The following ARHGAP26 variants were observed in gnomAD, a reference collection of about 807,000 sequenced individuals.
ARHGAP26 encodes Rho GTPase activating protein 26, also known as rho GTPase-activating protein 26.
Under a neutral mutation model 104.8 loss-of-function variants are expected in ARHGAP26, and 38 were observed. The observed-to-expected ratio is 0.36, with a 90% CI of 0.28 to 0.48. ARHGAP26 has a LOEUF of 0.48. Among genes scored for constraint, ARHGAP26 ranks in the 20% least tolerant of loss-of-function variants. ARHGAP26 has a pLI of 0.99. For missense variants in ARHGAP26, 704 were observed against 947.9 expected, an observed-to-expected ratio of 0.74 and a Z score of 3.38; for synonymous variants, 341 against 340.0, an observed-to-expected ratio of 1.00 and a Z score of -0.03.
chr5:142,915,000 C>G (rs949588115), intron 10 of ARHGAP26, among the ~76,000 whole-genome samples: 3 of 152,178 alleles, frequency 2.0e-5, no homozygotes, highest in Admixed American at 6.5e-5. Context: ...TGTTGCAGCT[C>G]TCTGTCAGAT....
chr5:143,102,700 G>A (rs1191624054), intron 17 of ARHGAP26, among the ~76,000 whole-genome samples: 1 of 152,210 alleles, frequency 6.6e-6, no homozygotes, highest in Non-Finnish European at 1.5e-5. Context: ...TCTTACCAAA[G>A]CATTCTTCAC....
intron 1 of ARHGAP26, among the ~76,000 whole-genome samples, chr5:142,792,691 C>G (rs1295917578): frequency 1.3e-5 from 2 of 152,152 alleles, no homozygotes; most frequent in East Asian, 3.9e-4. Context: ...AGCACCCCGG[C>G]TGTGCTTTCA....
At chr5:142,872,276 G>A (rs1204657249) in intron 1 of ARHGAP26, among the ~76,000 whole-genome samples, 3 of 152,166 alleles carry the variant, frequency 2.0e-5, no homozygotes, top group African/African-American at 4.8e-5. Context: ...AAAGTACTGG[G>A]AGTCACGGAT....
chr5:142,932,480 A>G (rs527861225), intron 11 of ARHGAP26, among the ~76,000 whole-genome samples: 42 of 152,252 alleles, frequency 2.8e-4, no homozygotes, highest in African/African-American at 9.4e-4. Context: ...TGGTAATATG[A>G]TCCCTGCTGC....
intron 20 of ARHGAP26, among the ~76,000 whole-genome samples, chr5:143,160,765 C>T (rs556994185): frequency 1.6e-4 from 24 of 152,286 alleles, no homozygotes; most frequent in Non-Finnish European, 2.8e-4. Flanking sequence ...AGGTGTGAGT[C>T]ATTGTGCCTG....
intron 17 of ARHGAP26, among the ~76,000 whole-genome samples, chr5:143,099,437 A>G (rs994567570): frequency 2.0e-5 from 3 of 152,280 alleles, no homozygotes; most frequent in African/African-American, 4.8e-5. Context: ...CTGAGACCCT[A>G]CCTTAATCAG....
intron 17 of ARHGAP26, among the ~76,000 whole-genome samples, chr5:143,077,957 C>T (rs3776325): frequency 0.024 from 3,582 of 152,256 alleles, 134 homozygotes; most frequent in South Asian, 0.087. Flanking sequence ...GATTGCCTCT[C>T]ACCTTTGCTG....
chr5:142,819,804 A>C (rs949411830), intron 1 of ARHGAP26, among the ~76,000 whole-genome samples: 4 of 152,240 alleles, frequency 2.6e-5, no homozygotes, highest in African/African-American at 9.6e-5. Flanking sequence ...GTTTCTTATA[A>C]AAATTTACAT....
At chr5:143,007,194 G>GAAA (rs34602049) in intron 11 of ARHGAP26, among the ~76,000 whole-genome samples, 2 of 69,562 alleles carry the variant, frequency 2.9e-5, no homozygotes, top group Non-Finnish European at 5.7e-5. Flanking sequence ...CTCTGTCTCC[G>GAAA]AAAAAAAAAA....
chr5:142,931,390 C>A (rs1050260633), intron 10 of ARHGAP26, among the ~76,000 whole-genome samples: 10 of 152,186 alleles, frequency 6.6e-5, no homozygotes, highest in Non-Finnish European at 1.3e-4. Flanking sequence ...GTATGCATGT[C>A]TTCTGGAGGG....
At chr5:142,946,384 C>G (rs2152568634) in intron 11 of ARHGAP26, among the ~76,000 whole-genome samples, 1 of 152,280 alleles carries the variant, frequency 6.6e-6, no homozygotes, top group South Asian at 2.1e-4. Flanking sequence ...TACATTGACC[C>G]TCTTTCAGAT....
At position 142,904,595 on chromosome 5, in the gene ARHGAP26, G is replaced by A. The variant is rs1760846255; in HGVS notation, c.832+926G>A. ...GTCTAGGAAAGGAATGCCAGGTGCT[G>A]CTAACATGGACATTTTAGTGATGAC... On this transcript the variant is annotated intron_variant, in intron 8 of 22. Transcript: ENST00000645722. 2.6e-5 allele frequency among the ~76,000 whole-genome samples: 4 copies of A among 152,146 alleles called. No homozygotes were observed. In the South Asian group the frequency reaches 8.3e-4, roughly 31 times the overall value.
chr5:142,897,535 C>G (rs950612206), intron 6 of ARHGAP26, among the ~76,000 whole-genome samples: 1 of 152,202 alleles, frequency 6.6e-6, no homozygotes, highest in Non-Finnish European at 1.5e-5. Flanking sequence ...AGGCTTCACT[C>G]CAGACCTGAA....
intron 12 of ARHGAP26, among the ~76,000 whole-genome samples, chr5:143,036,651 A>G (rs1782683354): frequency 6.6e-6 from 1 of 152,182 alleles, no homozygotes; most frequent in African/African-American, 2.4e-5. Context: ...GCAAGTCTCC[A>G]TGTATTGGCT....
At chr5:143,035,892 T>C (rs1366510627) in intron 12 of ARHGAP26, among the ~76,000 whole-genome samples, 4 of 133,956 alleles carry the variant, frequency 3.0e-5, no homozygotes, top group Non-Finnish European at 6.1e-5. Context: ...GCCAAGATCA[T>C]GCCACTGCAC....
intron 3 of ARHGAP26, among the ~76,000 whole-genome samples, chr5:142,878,526 T>C (rs1756463894): frequency 1.5e-5 from 2 of 136,706 alleles, no homozygotes; most frequent in Non-Finnish European, 3.0e-5. Context: ...GATGTGTATG[T>C]GTGTGTGTGT....
At chr5:142,828,557 C>T (rs1767756222) in intron 1 of ARHGAP26, among the ~76,000 whole-genome samples, 1 of 152,178 alleles carries the variant, frequency 6.6e-6, no homozygotes, top group South Asian at 2.1e-4. Context: ...TTTGCCTTCA[C>T]ATGGGGTTGC....
intron 17 of ARHGAP26, among the ~76,000 whole-genome samples, chr5:143,077,392 G>A (rs989591943): frequency 1.6e-4 from 24 of 152,200 alleles, no homozygotes; most frequent in African/African-American, 5.8e-4. Flanking sequence ...ATGGGCTGAT[G>A]TTGAACCACC....
chr5:142,808,964 C>A (rs1424963234), intron 1 of ARHGAP26, among the ~76,000 whole-genome samples: 1 of 152,230 alleles, frequency 6.6e-6, no homozygotes, highest in East Asian at 1.9e-4. Context: ...AATACTCTGG[C>A]ACCTTGCCCA....
Sources: allele counts gnomAD v4.1 joint callset (sites outside exome capture counted in the v4.1 genomes callset), GRCh38; gene constraint gnomAD v4.1.1; transcripts MANE v1.5; gene names NCBI Gene and HGNC (gene_info 2026-07-23, HGNC 2026-07-21).